TENM2: variants seen among roughly 807,000 people sequenced by gnomAD.
TENM2 encodes teneurin-2.
A neutral mutation model predicts 245.2 loss-of-function variants in TENM2; 52 were observed. That is an observed-to-expected ratio of 0.21 (90% CI 0.17 to 0.27). TENM2 has a LOEUF of 0.27. Ranked by LOEUF, TENM2 falls within the 10% of genes least tolerant of loss-of-function variation. The pLI is 1.00. For synonymous variants in TENM2, 1,363 were observed against 1,438.9 expected (o/e 0.95, Z 1.19); for missense variants, 3,046 against 3,666.8 (o/e 0.83, Z 4.37).
chr5:167,691,606 A>G (rs1483366222), intron 2 of TENM2, among the ~76,000 whole-genome samples: 1 of 152,160 alleles, frequency 6.6e-6, no homozygotes, highest in Non-Finnish European at 1.5e-5. Context: ...CTCAGCAATC[A>G]CCACCAGAAA....
intron 2 of TENM2, among the ~76,000 whole-genome samples, chr5:167,774,424 C>T (rs1048365156): frequency 2.0e-5 from 3 of 152,110 alleles, no homozygotes; most frequent in Non-Finnish European, 4.4e-5. Context: ...GGCCACCTAC[C>T]CTTACTCCAT....
intron 2 of TENM2, among the ~76,000 whole-genome samples, chr5:167,550,053 A>G (rs1772826946): frequency 6.6e-6 from 1 of 152,230 alleles, no homozygotes; most frequent in Non-Finnish European, 1.5e-5. Flanking sequence ...AAAACTAGAC[A>G]TCTGTTAAAT....
the TENM2 span, among the ~76,000 whole-genome samples, chr5:166,983,142 G>A: frequency 2.0e-5 from 3 of 152,038 alleles, no homozygotes; most frequent in Non-Finnish European, 2.9e-5. Context: ...TGTGTAATAA[G>A]AGGATAATAT....
the TENM2 span, among the ~76,000 whole-genome samples, chr5:167,162,393 C>T: frequency 6.6e-5 from 10 of 152,042 alleles, no homozygotes; most frequent in East Asian, 3.9e-4. Context: ...CTTGGAAGGC[C>T]GAGGTGGGCA....
At chr5:168,155,831 A>G (rs969609581) in intron 12 of TENM2, among the ~76,000 whole-genome samples, 5 of 150,032 alleles carry the variant, frequency 3.3e-5, no homozygotes, top group Non-Finnish European at 4.4e-5. Flanking sequence ...AGCACTTACA[A>G]TGTGCCAAGC....
At chr5:167,223,188 C>T in the TENM2 span, among the ~76,000 whole-genome samples, 3 of 151,990 alleles carry the variant, frequency 2.0e-5, no homozygotes, top group Admixed American at 2.0e-4. Flanking sequence ...GGTACATTTC[C>T]GGTACCCATT....
intron 2 of TENM2, among the ~76,000 whole-genome samples, chr5:167,519,974 C>T (rs1007313315): frequency 7.2e-5 from 11 of 151,946 alleles, no homozygotes; most frequent in South Asian, 2.1e-4. Context: ...TTGAAAATAC[C>T]GAAAACATTC....
At chr5:167,029,726 T>C in the TENM2 span, among the ~76,000 whole-genome samples, 1 of 152,228 alleles carries the variant, frequency 6.6e-6, no homozygotes, top group Non-Finnish European at 1.5e-5. Flanking sequence ...CCAGGGGCCA[T>C]GGTCAGGGCT....
At chr5:167,164,480 G>A in the TENM2 span, among the ~76,000 whole-genome samples, 1 of 152,156 alleles carries the variant, frequency 6.6e-6, no homozygotes, top group South Asian at 2.1e-4. Context: ...ATTGTTTTGA[G>A]CTTACATAAG....
At chr5:167,420,836 T>G (rs1283796972) in intron 2 of TENM2, among the ~76,000 whole-genome samples, 1 of 152,216 alleles carries the variant, frequency 6.6e-6, no homozygotes, top group Non-Finnish European at 1.5e-5. Context: ...CAGGAATCTT[T>G]GTTTTGCTTA....
the TENM2 span, among the ~76,000 whole-genome samples, chr5:167,094,815 G>A: frequency 0.022 from 3,353 of 152,248 alleles, 65 homozygotes; most frequent in South Asian, 0.085. Context: ...GGATTTCTCA[G>A]GGGCAAGTGA....
intron 2 of TENM2, among the ~76,000 whole-genome samples, chr5:167,738,971 C>A (rs1251847212): frequency 3.3e-5 from 5 of 152,126 alleles, no homozygotes; most frequent in Non-Finnish European, 2.9e-5. Flanking sequence ...TGGGGGACAC[C>A]ATTCTGTAAC....
chr5:167,945,101 C>A (rs1779503919), intron 3 of TENM2, among the ~76,000 whole-genome samples: 2 of 152,194 alleles, frequency 1.3e-5, no homozygotes, highest in African/African-American at 4.8e-5. Flanking sequence ...CTAAATATAA[C>A]TCCCAGGGAC....
intron 12 of TENM2, 87 bp from the exon 15 acceptor site, chr5:168,162,524 C>A: frequency 2.1e-6 from 3 of 1,440,080 alleles, no homozygotes; most frequent in African/African-American, 1.4e-5. Context: ...GGCTGCCCTG[C>A]GGCCTTGCTC....
the TENM2 span, among the ~76,000 whole-genome samples, chr5:166,995,375 G>A: frequency 6.6e-6 from 1 of 151,858 alleles, no homozygotes; most frequent in Non-Finnish European, 1.5e-5. Flanking sequence ...GAGTAGCTGG[G>A]ACTACAGGTG....
At chr5:167,236,140 A>G in the TENM2 span, among the ~76,000 whole-genome samples, 2 of 152,120 alleles carry the variant, frequency 1.3e-5, no homozygotes, top group Non-Finnish European at 2.9e-5. Context: ...CTACACCTCC[A>G]TTATTGCATG....
intron 2 of TENM2, among the ~76,000 whole-genome samples, chr5:167,386,018 CTT>C (rs1366788964): frequency 6.6e-6 from 1 of 151,894 alleles, no homozygotes; most frequent in Non-Finnish European, 1.5e-5. Context: ...CATATAATGA[CTT>C]ATTTTCCTCT....
At chr5:167,498,324 T>C (rs914449838) in intron 2 of TENM2, among the ~76,000 whole-genome samples, 2 of 152,184 alleles carry the variant, frequency 1.3e-5, no homozygotes, top group Non-Finnish European at 2.9e-5. Flanking sequence ...ATTTGTAGAC[T>C]GATTGGAGAC....
intron 12 of TENM2, among the ~76,000 whole-genome samples, chr5:168,152,472 C>T (rs915910432): frequency 3.9e-5 from 6 of 152,188 alleles, no homozygotes; most frequent in African/African-American, 1.4e-4. Flanking sequence ...CACAGGCCTC[C>T]TCGGTGTTAT....
Sources: allele counts gnomAD v4.1 joint callset (sites outside exome capture counted in the v4.1 genomes callset), GRCh38; gene constraint gnomAD v4.1.1; transcripts MANE v1.5; gene names NCBI Gene and HGNC (gene_info 2026-07-23, HGNC 2026-07-21).